Variants in PCDHGB4 observed in about 807,000 individuals in gnomAD.
The protein encoded by PCDHGB4 is protocadherin gamma-B4.
PCDHGB4 carries 38 observed loss-of-function variants against 60.5 expected under a neutral mutation model. The observed-to-expected ratio is 0.63, with a 90% CI of 0.48 to 0.82. The LOEUF (loss-of-function observed/expected upper bound fraction) is 0.82. Among genes scored for constraint, PCDHGB4 ranks in the 40% least tolerant of loss-of-function variants. The pLI is 0.00. For missense variants in PCDHGB4, 1,109 were observed against 1,209.6 expected (o/e 0.92, Z 1.23); for synonymous variants, 456 against 509.7 (o/e 0.89, Z 1.42).
At chr5:141,401,815 C>A (rs1217081146) in intron 1 of PCDHGB4, among the ~76,000 whole-genome samples, 1 of 152,184 alleles carries the variant, frequency 6.6e-6, no homozygotes, top group Non-Finnish European at 1.5e-5. Context: ...GGGTTCCTTA[C>A]AAAGTGCTGA....
At chr5:141,422,705 C>A in intron 1 of PCDHGB4, 1 of 1,602,702 alleles carries the variant, frequency 6.2e-7, no homozygotes, top group East Asian at 2.2e-5. Flanking sequence ...TACTCTCTGA[C>A]GGATGACACT....
At position 141,388,093 on chromosome 5, in the gene PCDHGB4, C is replaced by T; in HGVS notation, c.209C>T (p.Ser70Leu). The T allele has an allele frequency of 7.3e-7, 1 of 1,371,560 alleles. No individual in the cohort carries two copies. The highest frequency in any genetic ancestry group is 1.3e-5 in the South Asian group (1 of 76,408). 85.0% of individuals were successfully genotyped at this position (1,371,560 alleles called of 1,614,324 possible). ...CCGACTCGAAAACTGCGCGTCAGTT[C>T]GGAGAAGCCTTACTTCACCGTGAGC... is the stretch of plus-strand genomic sequence containing the variant. ...ELPTRKLRVS[S>L]EKPYFTVSAE... Residue 70 changes from serine (S) to leucine (L), a missense_variant, in exon 1 of 4, where the codon TCG (serine) becomes TTG (leucine). By Grantham distance (145) the Ser-to-Leu change is moderately radical. Around this residue, in one of 2 missense-constraint regions of PCDHGB4, gnomAD observed 41 missense variants for 119.7 expected, o/e 0.34. Transcript: ENST00000519479.
At chr5:141,407,524 C>CT (rs2094949017) in intron 1 of PCDHGB4, among the ~76,000 whole-genome samples, 1 of 146,696 alleles carries the variant, frequency 6.8e-6, no homozygotes, top group Admixed American at 6.8e-5. Flanking sequence ...TAGGACTTAA[C>CT]TTATTGTGCA....
chr5:141,403,049 T>A, intron 1 of PCDHGB4: 1 of 1,614,056 alleles, frequency 6.2e-7, no homozygotes, highest in Non-Finnish European at 8.5e-7. Context: ...TCAGATTCGC[T>A]ACTCAGTGCC....
intron 1 of PCDHGB4, chr5:141,408,623 G>T: frequency 6.2e-7 from 1 of 1,614,004 alleles, no homozygotes; most frequent in Non-Finnish European, 8.5e-7. Context: ...AATACATTTA[G>T]AAATTTTCGA....
rs745457172 is a variant in PCDHGB4 at position 141,490,744 on chromosome 5, C to T, written c.2398-4063C>T. The stretch of plus-strand genomic sequence containing the variant: ...TGTAGGAAATCAGGTTCAGGGAGCC[C>T]CAGCCTCCTCCTTTGTGTATGTCAA... On this transcript the variant is annotated intron_variant, in intron 1 of 3. Coordinates refer to ENST00000519479, the MANE Select transcript of PCDHGB4 (RefSeq NM_003736.4). The surrounding 1 kb of genome is among the most constrained non-coding windows in gnomAD (Gnocchi z 5.4). 1 of 1,614,142 alleles carries T rather than the reference C, an allele frequency of 6.2e-7. No homozygotes were observed. Among genetic ancestry groups the T allele is most frequent in the Non-Finnish European group, 8.5e-7 (1 of 1,180,006 alleles).
At chr5:141,451,198 C>T (rs1415589731) in intron 1 of PCDHGB4, among the ~76,000 whole-genome samples, 1 of 152,114 alleles carries the variant, frequency 6.6e-6, no homozygotes, top group Non-Finnish European at 1.5e-5. Context: ...AACAAATTAT[C>T]CCAAAACTTA....
At chr5:141,392,820 G>T in intron 1 of PCDHGB4, 1 of 1,592,868 alleles carries the variant, frequency 6.3e-7, no homozygotes. Flanking sequence ...AACAATGGCC[G>T]CTCCACAGAG....
intron 1 of PCDHGB4, chr5:141,427,723 G>T: frequency 8.9e-7 from 1 of 1,127,490 alleles, no homozygotes; most frequent in East Asian, 2.4e-5. Flanking sequence ...CTGGACCTAG[G>T]GCTGAATGGC....
intron 1 of PCDHGB4, among the ~76,000 whole-genome samples, chr5:141,443,679 A>G (rs1158105871): frequency 6.6e-6 from 1 of 152,268 alleles, no homozygotes; most frequent in African/African-American, 2.4e-5. Flanking sequence ...AGTAGTTTAC[A>G]AACACTTCAA....
chr5:141,421,736 G>A lies in PCDHGB4; in HGVS notation c.2397+31455G>A, dbSNP rs767237323. 5.3e-5 allele frequency: 86 copies of A among 1,613,810 alleles called. No individual in the cohort carries two copies. The highest frequency in any genetic ancestry group is 6.9e-5 in the Non-Finnish European group (82 of 1,179,858). Reference sequence around the variant, plus strand: ...GATGTGGGCGTGAACTCCCTCCAGAGCTACCAGCTCAGCCCTAATAATTAC... The same window carrying A: ...GATGTGGGCGTGAACTCCCTCCAGAACTACCAGCTCAGCCCTAATAATTAC... On this transcript the variant is annotated intron_variant, in intron 1 of 3. Transcript: ENST00000519479.
chr5:141,499,677 T>C (rs2099793326), intron 2 of PCDHGB4, among the ~76,000 whole-genome samples: 1 of 151,690 alleles, frequency 6.6e-6, no homozygotes, highest in African/African-American at 2.4e-5. Flanking sequence ...CTCCACCATC[T>C]TTAACAGATG....
At chr5:141,393,265 G>T (rs755014362) in intron 1 of PCDHGB4, 3 of 1,613,904 alleles carry the variant, frequency 1.9e-6, no homozygotes, top group South Asian at 1.1e-5. Flanking sequence ...CCTGGAGCAC[G>T]TTATCCACTC....
Position 141,491,009 on chromosome 5 carries a change from C to A in PCDHGB4, c.2398-3798C>A. On this transcript the variant is annotated intron_variant, in intron 1 of 3. Transcript: ENST00000519479. This position sits in a 1 kb window ranked among gnomAD's most constrained non-coding sequence, Gnocchi z 6.9. ...TCTGCTCCTCCTGGCTCCTTGGTCA[C>A]CAAGGTGACAGCCGTGGATGCTGAT... 4 of 1,614,140 alleles carry A rather than the reference C, an allele frequency of 2.5e-6. No homozygotes were observed. Among genetic ancestry groups the A allele is most frequent in the Non-Finnish European group, 3.4e-6 (4 of 1,180,038 alleles).
Position 141,511,400 on chromosome 5 carries a change from T to C in PCDHGB4, c.*227T>C. The C allele has an allele frequency of 2.0e-6, 2 of 982,250 alleles. No individual in the cohort carries two copies. Among genetic ancestry groups the C allele is most frequent in the Non-Finnish European group, 2.9e-6 (2 of 688,054 alleles). The allele number at this position is 982,250 out of a possible 1,614,324, so 60.8% of individuals were successfully genotyped here. On this transcript the variant is annotated 3_prime_UTR_variant, in exon 4 of 4. Coordinates refer to ENST00000519479, the MANE Select transcript of PCDHGB4 (RefSeq NM_003736.4). ...AGTTCCGCTGGGAACCCCCATCCAA[T>C]CAACTGCTGTACCCATGGGGGTAGT...
intron 1 of PCDHGB4, chr5:141,427,630 T>C (rs1043983899): frequency 2.8e-6 from 2 of 702,530 alleles, no homozygotes; most frequent in African/African-American, 1.7e-5. Context: ...AATGCTCCGG[T>C]TTTCCACCAA....
At chr5:141,423,099 G>C (rs1344463949) in intron 1 of PCDHGB4, 1 of 1,613,826 alleles carries the variant, frequency 6.2e-7, no homozygotes, top group Non-Finnish European at 8.5e-7. Flanking sequence ...GGGAGCACAC[G>C]GGCGAGGTGC....
chr5:141,414,723 C>A (rs775890033), intron 1 of PCDHGB4: 2 of 1,614,170 alleles, frequency 1.2e-6, no homozygotes, highest in South Asian at 2.2e-5. Flanking sequence ...CAGACACTGG[C>A]GTCCTGTATG....
intron 1 of PCDHGB4, chr5:141,419,142 G>A (rs1351034238): frequency 6.2e-7 from 1 of 1,613,902 alleles, no homozygotes; most frequent in Non-Finnish European, 8.5e-7. Context: ...ACAGACAGGG[G>A]CAAGCCTCCG....
Sources: gnomAD v4.1 joint callset for allele counts (sites outside exome capture counted in the v4.1 genomes callset) on GRCh38, gnomAD v4.1.1 for gene constraint, gnomAD v4.1.1 regional missense constraint, Gnocchi (gnomAD v3.1) non-coding constraint, MANE v1.5 for transcripts, NCBI Gene and HGNC (gene_info 2026-07-23, HGNC 2026-07-21) for gene names.